The following PPP1R12B variants were observed in gnomAD, a reference collection of about 807,000 sequenced individuals.
The protein encoded by PPP1R12B is protein phosphatase 1 regulatory subunit 12B, also known as myosin phosphatase target subunit 2.
A neutral mutation model predicts 126.1 loss-of-function variants in PPP1R12B; 76 were observed. The observed-to-expected ratio is 0.60, with a 90% CI of 0.50 to 0.73. The LOEUF is 0.73. PPP1R12B is among the 30% of genes least tolerant of loss of function. PPP1R12B has a pLI of 0.00. For missense variants in PPP1R12B, 1,052 were observed against 1,205.1 expected, an observed-to-expected ratio of 0.87 and a Z score of 1.88; for synonymous variants, 356 against 434.7, an observed-to-expected ratio of 0.82 and a Z score of 2.25.
intron 1 of PPP1R12B, among the ~76,000 whole-genome samples, chr1:202,363,380 G>T (rs1217552925): frequency 6.6e-6 from 1 of 152,044 alleles, no homozygotes; most frequent in Non-Finnish European, 1.5e-5. Flanking sequence ...AGTAAAAGTG[G>T]AGAAAAGGGT....
At chr1:202,479,042 A>G (rs1428956017) in intron 13 of PPP1R12B, among the ~76,000 whole-genome samples, 1 of 152,260 alleles carries the variant, frequency 6.6e-6, no homozygotes, top group Non-Finnish European at 1.5e-5. Context: ...TAATCTAGAC[A>G]GAAATTCATG....
intron 1 of PPP1R12B, among the ~76,000 whole-genome samples, chr1:202,381,661 T>C (rs1271682711): frequency 6.6e-6 from 1 of 152,200 alleles, no homozygotes; most frequent in African/African-American, 2.4e-5. Flanking sequence ...CAGTATTGCA[T>C]TTTCCATGGC....
At chr1:202,401,834 A>G (rs1256798668) in intron 1 of PPP1R12B, among the ~76,000 whole-genome samples, 1 of 152,194 alleles carries the variant, frequency 6.6e-6, no homozygotes, top group Non-Finnish European at 1.5e-5. Flanking sequence ...CCTCTGTCCT[A>G]CATAACAGTT....
At chr1:202,554,039 T>C (rs922238050) in intron 18 of PPP1R12B, among the ~76,000 whole-genome samples, 2 of 152,270 alleles carry the variant, frequency 1.3e-5, no homozygotes, top group African/African-American at 4.8e-5. Flanking sequence ...AAGTTAAGTC[T>C]TCTGAGTCAA....
chr1:202,474,926 G>A (rs554078098), intron 13 of PPP1R12B, among the ~76,000 whole-genome samples: 1 of 152,218 alleles, frequency 6.6e-6, no homozygotes, highest in East Asian at 1.9e-4. Flanking sequence ...GTAGTATTTG[G>A]CCAGACTGAG....
At position 202,497,081 on chromosome 1, in the gene PPP1R12B, A is replaced by G. The variant is rs1276514235; in HGVS notation, c.2490+259A>G. On this transcript the variant is annotated intron_variant, in intron 18 of 23. Coordinates refer to ENST00000608999, the MANE Select transcript of PPP1R12B (RefSeq NM_002481.4). ...AGTCTTTCACACTGTTATAGGATCC[A>G]TCATTTTCTCTCTTGTATGTTATTG... Among the ~76,000 whole-genome samples, 5 of 152,228 alleles carry G rather than the reference A, an allele frequency of 3.3e-5. No individual in the cohort carries two copies. In the East Asian group the frequency reaches 5.8e-4, roughly 18 times the overall value.
At chr1:202,449,403 G>A (rs987617971) in intron 13 of PPP1R12B, among the ~76,000 whole-genome samples, 1 of 151,448 alleles carries the variant, frequency 6.6e-6, no homozygotes, top group Non-Finnish European at 1.5e-5. Flanking sequence ...AGCCTCCCAA[G>A]TAGCTGGGAC....
At chr1:202,388,364 C>T (rs1338291536) in intron 1 of PPP1R12B, among the ~76,000 whole-genome samples, 4 of 151,998 alleles carry the variant, frequency 2.6e-5, no homozygotes, top group Admixed American at 2.0e-4. Flanking sequence ...TTAGTAGAGA[C>T]GAGGCTAATT....
chr1:202,359,745 A>G (rs1238694523), intron 1 of PPP1R12B, among the ~76,000 whole-genome samples: 2 of 152,168 alleles, frequency 1.3e-5, no homozygotes, highest in African/African-American at 4.8e-5. Context: ...CGGAGCTTGC[A>G]GTGAGCTGAG....
chr1:202,513,263 T>C (rs1160324109), intron 18 of PPP1R12B, among the ~76,000 whole-genome samples: 1 of 152,174 alleles, frequency 6.6e-6, no homozygotes. Flanking sequence ...CGTGAGCCAC[T>C]ATGCCCAGCC....
At chr1:202,549,227 A>G (rs1385968633) in intron 18 of PPP1R12B, among the ~76,000 whole-genome samples, 1 of 152,136 alleles carries the variant, frequency 6.6e-6, no homozygotes, top group Non-Finnish European at 1.5e-5. Context: ...CTTACAAGTC[A>G]CACATAATAG....
intron 18 of PPP1R12B, among the ~76,000 whole-genome samples, chr1:202,534,866 A>G (rs1426162721): frequency 6.6e-6 from 1 of 152,208 alleles, no homozygotes; most frequent in East Asian, 1.9e-4. Context: ...TTACATAATC[A>G]CAAGGAAAAT....
In PPP1R12B at chr1:202,567,758, T is replaced by G. The variant is rs1289109289; in HGVS notation, c.2758-20T>G. On this transcript the variant is annotated intron_variant, in intron 21 of 23. Transcript: ENST00000608999. ...CTTAGACAACTTAAATAACAACTGTTTTCCTTCCATTTGCACCAGCAGAAA... is the reference window on the plus strand; with the variant it reads ...CTTAGACAACTTAAATAACAACTGTGTTCCTTCCATTTGCACCAGCAGAAA... 1 of 1,613,578 alleles carries G rather than the reference T, an allele frequency of 6.2e-7. No homozygotes were observed. The highest frequency in any genetic ancestry group is 1.1e-5 in the South Asian group (1 of 91,062).
intron 3 of PPP1R12B, among the ~76,000 whole-genome samples, chr1:202,423,539 T>C (rs899315032): frequency 6.6e-6 from 1 of 152,188 alleles, no homozygotes; most frequent in East Asian, 1.9e-4. Context: ...TAGTGATAGA[T>C]TGGATGAACC....
At chr1:202,364,284 C>A (rs1373328102) in intron 1 of PPP1R12B, among the ~76,000 whole-genome samples, 1 of 152,054 alleles carries the variant, frequency 6.6e-6, no homozygotes, top group Admixed American at 6.6e-5. Context: ...AAGGATGATA[C>A]CTTATAGTTG....
At chr1:202,412,974 G>C (rs1333724782) in intron 1 of PPP1R12B, among the ~76,000 whole-genome samples, 1 of 152,026 alleles carries the variant, frequency 6.6e-6, no homozygotes, top group Non-Finnish European at 1.5e-5. Context: ...TAAATATGAT[G>C]AATAATTATG....
chr1:202,358,574 C>T (rs1017991717), intron 1 of PPP1R12B, among the ~76,000 whole-genome samples: 2 of 151,486 alleles, frequency 1.3e-5, no homozygotes, highest in African/African-American at 2.4e-5. Flanking sequence ...CCCAGCTACT[C>T]GGGAGACTGA....
At chr1:202,526,696 C>G (rs1208292323) in intron 18 of PPP1R12B, among the ~76,000 whole-genome samples, 5 of 152,040 alleles carry the variant, frequency 3.3e-5, no homozygotes, top group Admixed American at 2.6e-4. Context: ...CAGGATCACC[C>G]TAGTAGAAAG....
chr1:202,361,872 A>G (rs1337990772), intron 1 of PPP1R12B, among the ~76,000 whole-genome samples: 4 of 152,228 alleles, frequency 2.6e-5, no homozygotes, highest in South Asian at 2.1e-4. Context: ...TGGGCAAATG[A>G]TGTGCTTGTC....
Sources: allele counts gnomAD v4.1 joint callset (sites outside exome capture counted in the v4.1 genomes callset), GRCh38; gene constraint gnomAD v4.1.1; transcripts MANE v1.5; gene names NCBI Gene and HGNC (gene_info 2026-07-23, HGNC 2026-07-21).